RAB22A: variants seen among roughly 807,000 people sequenced by gnomAD.
RAB22A encodes the protein ras-related protein Rab-22A.
RAB22A carries 13 observed loss-of-function variants against 30.2 expected under a neutral mutation model. The ratio of observed to expected loss-of-function variants is 0.43; its 90% CI spans 0.28 to 0.68. The LOEUF (loss-of-function observed/expected upper bound fraction) is 0.68. Ranked by LOEUF, RAB22A falls within the 30% of genes least tolerant of loss-of-function variation. RAB22A has a pLI of 0.18. For missense variants in RAB22A, 177 were observed against 246.8 expected (o/e 0.72, Z 1.89); for synonymous variants, 89 against 87.2 (o/e 1.02, Z -0.11).
At position 58,359,119 on chromosome 20, in the gene RAB22A, G is replaced by T. The variant is rs139140855; in HGVS notation, c.488-487G>T. Reference sequence around the variant, plus strand: ...GGCTACACGAGAAATGGGCCACAGTGGTGGCCTTGTCATGAGACAGAGGGA... The same window carrying T: ...GGCTACACGAGAAATGGGCCACAGTTGTGGCCTTGTCATGAGACAGAGGGA... On this transcript the variant is annotated intron_variant, in intron 6 of 6. Transcript: ENST00000244040. 6.9e-3 allele frequency among the ~76,000 whole-genome samples: 1,054 copies of T among 152,292 alleles called. 12 individuals are homozygous for T. The highest frequency in any genetic ancestry group is 0.022 in the African/African-American group (904 of 41,554).
chr20:58,364,226 C>T lies in RAB22A; in HGVS notation c.*4523C>T, dbSNP rs1461549737. ...GTGAATAAATAGAACCAAGAATCTTCATCTATCTCTGTTGGTCTTTCAGGA... is the reference window on the plus strand; with the variant it reads ...GTGAATAAATAGAACCAAGAATCTTTATCTATCTCTGTTGGTCTTTCAGGA... On this transcript the variant is annotated 3_prime_UTR_variant, in exon 7 of 7. Coordinates refer to ENST00000244040, the MANE Select transcript of RAB22A (RefSeq NM_020673.3). 6.6e-6 allele frequency: 1 copy of T among 152,400 alleles called. No individual in the cohort carries two copies. Among genetic ancestry groups the T allele is most frequent in the Non-Finnish European group, 1.5e-5 (1 of 68,032 alleles). 9.4% of individuals were successfully genotyped at this position (152,400 alleles called of 1,614,324 possible).
At chr20:58,347,209 C>T (rs997439854) in intron 3 of RAB22A, among the ~76,000 whole-genome samples, 12 of 152,206 alleles carry the variant, frequency 7.9e-5, no homozygotes, top group African/African-American at 2.9e-4. Flanking sequence ...CCCCATTTGA[C>T]ATCTTGTACT....
At chr20:58,324,752 A>T (rs2122935498) in intron 2 of RAB22A, among the ~76,000 whole-genome samples, 1 of 150,684 alleles carries the variant, frequency 6.6e-6, no homozygotes, top group Admixed American at 6.7e-5. Context: ...CTGTAGTCCC[A>T]GCTACTCAGG....
intron 2 of RAB22A, among the ~76,000 whole-genome samples, chr20:58,329,130 T>C (rs921049604): frequency 6.6e-6 from 1 of 150,972 alleles, no homozygotes; most frequent in Admixed American, 6.6e-5. Context: ...CTCGGCTCAC[T>C]GCAAGCTCCC....
intron 3 of RAB22A, among the ~76,000 whole-genome samples, chr20:58,350,969 T>TA (rs1168647938): frequency 6.6e-6 from 1 of 152,188 alleles, no homozygotes; most frequent in Non-Finnish European, 1.5e-5. Flanking sequence ...AATGGTAGGA[T>TA]AACAAGAAAT....
At chr20:58,315,140 T>G (rs141080526) in intron 2 of RAB22A, among the ~76,000 whole-genome samples, 1 of 152,174 alleles carries the variant, frequency 6.6e-6, no homozygotes, top group East Asian at 1.9e-4. Flanking sequence ...TGCTTCTCAG[T>G]TGAAGCTCCT....
In RAB22A at chr20:58,332,282, A is replaced by G. The variant is rs557680592; in HGVS notation, c.117-11436A>G. Among the ~76,000 whole-genome samples the G allele has an allele frequency of 2.2e-4, 33 of 152,362 alleles. 1 individual carries two copies. In the South Asian group the frequency reaches 5.2e-3, roughly 24 times the overall value. On this transcript the variant is annotated intron_variant, in intron 2 of 6. Coordinates refer to ENST00000244040, the MANE Select transcript of RAB22A (RefSeq NM_020673.3). The stretch of plus-strand genomic sequence containing the variant: ...AGAGCCGTAGCTGCTCTCATCCTCT[A>G]TTGAAACAGAGGGACAGGGAAACTT...
chr20:58,331,839 G>T (rs764704801), intron 2 of RAB22A, among the ~76,000 whole-genome samples: 1 of 152,042 alleles, frequency 6.6e-6, no homozygotes, highest in Non-Finnish European at 1.5e-5. Flanking sequence ...CACTTTGATG[G>T]CCACCTTTCT....
At chr20:58,327,953 C>T (rs934903163) in intron 2 of RAB22A, among the ~76,000 whole-genome samples, 1 of 152,020 alleles carries the variant, frequency 6.6e-6, no homozygotes, top group Non-Finnish European at 1.5e-5. Flanking sequence ...AGATGTTTTG[C>T]CAAAGGGATA....
intron 6 of RAB22A, among the ~76,000 whole-genome samples, chr20:58,358,525 CTA>C (rs1222461587): frequency 1.3e-5 from 2 of 152,138 alleles, no homozygotes; most frequent in Admixed American, 1.3e-4. Context: ...TGGAAACAAA[CTA>C]AATACCCATC....
intron 2 of RAB22A, among the ~76,000 whole-genome samples, chr20:58,327,229 A>T (rs1437905995): frequency 6.6e-6 from 1 of 152,256 alleles, no homozygotes; most frequent in African/African-American, 2.4e-5. Context: ...GGTGGGTTAC[A>T]GTATTAAATA....
intron 2 of RAB22A, among the ~76,000 whole-genome samples, chr20:58,332,326 T>G (rs1315951105): frequency 2.0e-5 from 3 of 152,176 alleles, no homozygotes; most frequent in Non-Finnish European, 4.4e-5. Context: ...ATGGGAACAG[T>G]TGGGCTCTTA....
intron 2 of RAB22A, among the ~76,000 whole-genome samples, chr20:58,333,991 A>G (rs1465184849): frequency 6.6e-6 from 1 of 152,128 alleles, no homozygotes; most frequent in Non-Finnish European, 1.5e-5. Flanking sequence ...CCAGGAGTTC[A>G]AGGCTACTGT....
intron 2 of RAB22A, among the ~76,000 whole-genome samples, chr20:58,329,016 G>T (rs1986616563): frequency 6.6e-6 from 1 of 150,704 alleles, no homozygotes; most frequent in Admixed American, 6.6e-5. Flanking sequence ...GATCGCCTCG[G>T]TATTTGTTTA....
At chr20:58,337,460 C>T (rs909490595) in intron 2 of RAB22A, among the ~76,000 whole-genome samples, 4 of 152,216 alleles carry the variant, frequency 2.6e-5, no homozygotes, top group African/African-American at 9.6e-5. Flanking sequence ...TTAAGGGAAT[C>T]TGTTCACAGG....
rs1482313324 is a variant in RAB22A, at chr20:58,366,407, A to T, written c.*6704A>T. 6.6e-6 allele frequency: 1 copy of T among 152,230 alleles called. No individual in the cohort carries two copies. The highest frequency in any genetic ancestry group is 6.5e-5 in the Admixed American group (1 of 15,286). 9.4% of individuals were successfully genotyped at this position (152,230 alleles called of 1,614,324 possible). On this transcript the variant is annotated 3_prime_UTR_variant, in exon 7 of 7. Coordinates refer to ENST00000244040, the MANE Select transcript of RAB22A (RefSeq NM_020673.3). The stretch of plus-strand genomic sequence containing the variant: ...AGAAGGAATAGTTCCAGCATTCGAT[A>T]TTACAGTAGGGAGACTGCATTTAAC...
Position 58,359,743 on chromosome 20 carries a change from G to T in RAB22A, c.*40G>T. On this transcript the variant is annotated 3_prime_UTR_variant, in exon 7 of 7. Transcript: ENST00000244040. ...CTCAGACTTGATGATGAAGTAGGTG[G>T]TCCTGAAAGTTAACAGGAGGGCTGG... 6.5e-7 allele frequency: 1 copy of T among 1,537,650 alleles called. No homozygotes were observed. The highest frequency in any genetic ancestry group is 9.0e-7 in the Non-Finnish European group (1 of 1,114,452).
chr20:58,342,730 T>C (rs913470212), intron 2 of RAB22A, among the ~76,000 whole-genome samples: 2 of 152,138 alleles, frequency 1.3e-5, no homozygotes, highest in African/African-American at 4.8e-5. Context: ...CACCCATCTT[T>C]GGGCTCTACT....
intron 2 of RAB22A, among the ~76,000 whole-genome samples, chr20:58,331,608 A>G (rs1251720486): frequency 6.6e-6 from 1 of 152,086 alleles, no homozygotes; most frequent in Non-Finnish European, 1.5e-5. Context: ...CACAAATATA[A>G]TTCGCTTTTT....
Sources: gnomAD v4.1 joint callset for allele counts (sites outside exome capture counted in the v4.1 genomes callset) on GRCh38, gnomAD v4.1.1 for gene constraint, MANE v1.5 for transcripts, NCBI Gene and HGNC (gene_info 2026-07-23, HGNC 2026-07-21) for gene names.